ARHGAP6: variants seen among roughly 807,000 people sequenced by gnomAD.
The protein encoded by ARHGAP6 is Rho GTPase activating protein 6, also known as rho GTPase-activating protein 6.
Under a neutral mutation model 55.7 loss-of-function variants are expected in ARHGAP6, and 16 were observed. That is an observed-to-expected ratio of 0.29 (90% CI 0.19 to 0.44). The LOEUF (loss-of-function observed/expected upper bound fraction) is 0.44. ARHGAP6 is among the 20% of genes least tolerant of loss of function. The probability of loss-of-function intolerance (pLI) is 1.00; values close to 1 mark genes in which losing one functional copy is unlikely to be tolerated. For synonymous variants in ARHGAP6, 382 were observed against 360.9 expected, an observed-to-expected ratio of 1.06 and a Z score of -0.66; for missense variants, 698 against 808.9, an observed-to-expected ratio of 0.86 and a Z score of 1.66.
At chrX:11,197,939 G>A (rs1214077542) in intron 2 of ARHGAP6, among the ~76,000 whole-genome samples, 4 of 111,552 alleles carry the variant, frequency 3.6e-5, no homozygotes, top group Non-Finnish European at 5.7e-5. Context: ...TCAAATAGGG[G>A]ACATGCAGAC....
intron 1 of ARHGAP6, among the ~76,000 whole-genome samples, chrX:11,275,414 C>G (rs1342782706): frequency 1.8e-5 from 2 of 111,494 alleles, no homozygotes; most frequent in African/African-American, 6.5e-5. Flanking sequence ...CTGCAGTGAC[C>G]CAGGAAAACT....
intron 1 of ARHGAP6, chrX:11,294,741 A>C (rs2048052537): frequency 1.5e-4 from 166 of 1,144,787 alleles, no homozygotes; most frequent in Non-Finnish European, 1.8e-4. Flanking sequence ...ATGTTTCAGA[A>C]GAGATAAGAA....
At chrX:11,381,736 C>A (rs1225204722) in intron 1 of ARHGAP6, among the ~76,000 whole-genome samples, 1 of 112,025 alleles carries the variant, frequency 8.9e-6, no homozygotes, top group Admixed American at 9.5e-5. Flanking sequence ...TTGAACAAAG[C>A]TTTTAGTTAC....
chrX:11,591,786 T>A (rs1447924418), intron 1 of ARHGAP6, among the ~76,000 whole-genome samples: 5 of 112,025 alleles, frequency 4.5e-5, no homozygotes, highest in Non-Finnish European at 7.5e-5. Context: ...ACTACATATA[T>A]CATTGAAATG....
chrX:11,392,913 G>A, intron 1 of ARHGAP6, among the ~76,000 whole-genome samples: 1 of 111,796 alleles, frequency 8.9e-6, no homozygotes, highest in Admixed American at 9.5e-5. Context: ...TACAAGGCAA[G>A]TCACGTTGGT....
chrX:11,596,935 A>T (rs1357332508), intron 1 of ARHGAP6, among the ~76,000 whole-genome samples: 1 of 111,606 alleles, frequency 9.0e-6, no homozygotes, highest in East Asian at 2.8e-4. Context: ...TATTATTTTG[A>T]TATGTAGCTA....
intron 1 of ARHGAP6, chrX:11,290,484 C>A: frequency 3.2e-6 from 1 of 308,448 alleles, no homozygotes; most frequent in Non-Finnish European, 6.2e-6. Flanking sequence ...TCCAACTCTA[C>A]CCCAGCAAAA....
chrX:11,489,233 C>A (rs2050541287), intron 1 of ARHGAP6, among the ~76,000 whole-genome samples: 1 of 111,610 alleles, frequency 9.0e-6, no homozygotes, highest in South Asian at 3.7e-4. Flanking sequence ...AGCAATGAAC[C>A]AAGGGCTTCA....
chrX:11,182,796 T>C (rs967988469), intron 5 of ARHGAP6, among the ~76,000 whole-genome samples: 51 of 109,079 alleles, frequency 4.7e-4, no homozygotes, highest in African/African-American at 1.7e-3. Context: ...CCTCCATGCC[T>C]GACTAATTTT....
intron 1 of ARHGAP6, among the ~76,000 whole-genome samples, chrX:11,568,068 C>A (rs1000833357): frequency 3.6e-5 from 4 of 111,352 alleles, no homozygotes; most frequent in Non-Finnish European, 7.5e-5. Context: ...GTTCCAAACA[C>A]GCAGCCTTCC....
At chrX:11,567,447 G>A (rs988729216) in intron 1 of ARHGAP6, among the ~76,000 whole-genome samples, 71 of 106,793 alleles carry the variant, frequency 6.6e-4, no homozygotes, top group Non-Finnish European at 9.7e-4. Context: ...GCAGCTACTC[G>A]GGAGGCTGAG....
At chrX:11,300,812 A>T (rs2048164978) in intron 1 of ARHGAP6, 1 of 401,788 alleles carries the variant, frequency 2.5e-6, no homozygotes, top group South Asian at 5.7e-5. Context: ...ATTTGAGATG[A>T]TATATTATGA....
chrX:11,156,394 C>T, intron 10 of ARHGAP6, 135 bp downstream of exon 10: 1 of 474,625 alleles, frequency 2.1e-6, no homozygotes, highest in Non-Finnish European at 3.5e-6. Context: ...ATGGACTGAT[C>T]AGAATTGCCA....
chrX:11,271,316 G>C lies in ARHGAP6; in HGVS notation c.589-16609C>G, dbSNP rs1224040891. On this transcript the variant is annotated intron_variant, in intron 1 of 12. Transcript: ENST00000337414. Reference sequence around the variant, plus strand: ...CAGCAGGATATAAAACAAGCCTTAAGGATAGAAGAATATCGTATTTAGGAG... The same window carrying C: ...CAGCAGGATATAAAACAAGCCTTAACGATAGAAGAATATCGTATTTAGGAG... 2.7e-5 allele frequency among the ~76,000 whole-genome samples: 3 copies of C among 111,813 alleles called. No homozygotes were observed. The East Asian group carries it at 8.4e-4, about 31-fold the overall frequency.
chrX:11,443,972 T>A (rs1244023002), intron 1 of ARHGAP6, among the ~76,000 whole-genome samples: 1 of 112,029 alleles, frequency 8.9e-6, no homozygotes, highest in African/African-American at 3.2e-5. Context: ...AAAAAATATT[T>A]CCTGGTGACT....
intron 1 of ARHGAP6, among the ~76,000 whole-genome samples, chrX:11,384,315 T>C (rs768454115): frequency 5.3e-5 from 6 of 112,198 alleles, no homozygotes; most frequent in Non-Finnish European, 7.5e-5. Context: ...TGGAACACTT[T>C]GTTGTTACCA....
chrX:11,357,428 G>A (rs1049652858), intron 1 of ARHGAP6, among the ~76,000 whole-genome samples: 6 of 111,340 alleles, frequency 5.4e-5, no homozygotes, highest in African/African-American at 2.0e-4. Flanking sequence ...TTCCCACTCA[G>A]TTGATGGAAA....
chrX:11,479,447 C>T (rs958581939), intron 1 of ARHGAP6, among the ~76,000 whole-genome samples: 1 of 111,540 alleles, frequency 9.0e-6, no homozygotes. Context: ...CATTCAGCTG[C>T]TTAGGAAGTA....
At chrX:11,625,810 A>G (rs1040413806) in intron 1 of ARHGAP6, among the ~76,000 whole-genome samples, 2 of 111,707 alleles carry the variant, frequency 1.8e-5, no homozygotes, top group African/African-American at 6.5e-5. Flanking sequence ...AATATATACA[A>G]CTGTGATGTA....
Sources: gnomAD v4.1 joint callset for allele counts (sites outside exome capture counted in the v4.1 genomes callset) on GRCh38, gnomAD v4.1.1 for gene constraint, MANE v1.5 for transcripts, NCBI Gene and HGNC (gene_info 2026-07-23, HGNC 2026-07-21) for gene names.